Variants in CFHR2 observed in about 807,000 individuals in gnomAD.
The protein encoded by CFHR2 is complement factor H-related protein 2.
Under a neutral mutation model 21.7 loss-of-function variants are expected in CFHR2, and 22 were observed. The ratio of observed to expected loss-of-function variants is 1.01; its 90% CI spans 0.72 to 1.45. The LOEUF is 1.45. Ranked by LOEUF, CFHR2 falls within the 40% of genes most tolerant of loss-of-function variation. The pLI is 0.00. For missense variants in CFHR2, 294 were observed against 293.3 expected (o/e 1.00, Z -0.02); for synonymous variants, 98 against 97.4 (o/e 1.01, Z -0.04).
intron 1 of CFHR2, among the ~76,000 whole-genome samples, chr1:196,946,384 G>A (rs144457799): frequency 0.023 from 3,524 of 151,938 alleles, 104 homozygotes; most frequent in African/African-American, 0.079. Context: ...ACTTTTCTTC[G>A]ATAATAAATT....
rs768020038 is a variant in CFHR2, at chr1:196,946,444, T to G, written c.58+2506T>G. On this transcript the variant is annotated intron_variant, in intron 1 of 4. Transcript: ENST00000367415. Reference sequence around the variant, plus strand: ...TACTTCATCAACTTTAATTTTTATGTCTTTCGAGATAATATTTAGCTTAAA... The same window carrying G: ...TACTTCATCAACTTTAATTTTTATGGCTTTCGAGATAATATTTAGCTTAAA... Among the ~76,000 whole-genome samples, 82 of 152,198 alleles carry G rather than the reference T, an allele frequency of 5.4e-4. 1 individual carries two copies. The highest frequency in any genetic ancestry group is 2.6e-4 in the Admixed American group (4 of 15,282).
chr1:196,950,767 C>A, intron 2 of CFHR2, 85 bp from the exon 3 acceptor site: 2 of 1,478,028 alleles, frequency 1.4e-6, no homozygotes, highest in East Asian at 4.7e-5. Context: ...GCCACTTCAC[C>A]CTATTTATTA....
chr1:196,950,268 A>G (rs1659675213), intron 2 of CFHR2, among the ~76,000 whole-genome samples: 1 of 152,198 alleles, frequency 6.6e-6, no homozygotes, highest in Non-Finnish European at 1.5e-5. Context: ...TTTTGTCCCT[A>G]AAAGAGTTGA....
At chr1:196,952,324 A>G (rs1426700268) in intron 3 of CFHR2, among the ~76,000 whole-genome samples, 1 of 152,126 alleles carries the variant, frequency 6.6e-6, no homozygotes, top group East Asian at 1.9e-4. Context: ...AACAGCTGAA[A>G]CTGTGACAGT....
chr1:196,944,799 G>A (rs2125000577), intron 1 of CFHR2, among the ~76,000 whole-genome samples: 1 of 151,662 alleles, frequency 6.6e-6, no homozygotes, highest in Middle Eastern at 3.4e-3. Context: ...TGACATAACA[G>A]AACAACATGA....
rs201219546 is a variant in CFHR2 at position 196,953,949 on chromosome 1, TTAAA to T, written c.430+2925_430+2928del. On this transcript the variant is annotated intron_variant, in intron 3 of 4. Coordinates refer to ENST00000367415, the MANE Select transcript of CFHR2 (RefSeq NM_005666.4). ...TGAACTAACCATTAATGAAAGATGA[TTAAA>T]TAAGAAAAATAAACACATATTCATA... Among the ~76,000 whole-genome samples, 961 of 152,276 alleles carry T rather than the reference TTAAA, an allele frequency of 6.3e-3. 7 individuals carry two copies. Among genetic ancestry groups the T allele is most frequent in the African/African-American group, 0.021 (892 of 41,566 alleles).
intron 3 of CFHR2, 76 bp downstream of exon 3, chr1:196,951,104 A>G: frequency 6.6e-7 from 1 of 1,509,920 alleles, no homozygotes; most frequent in Non-Finnish European, 9.0e-7. Flanking sequence ...TTACAGATTA[A>G]ATATAGGTTA....
At chr1:196,944,984 C>A (rs202073723) in intron 1 of CFHR2, among the ~76,000 whole-genome samples, 2,246 of 132,954 alleles carry the variant, frequency 0.017, no homozygotes, top group Middle Eastern at 0.056. Context: ...TCAAGCAATT[C>A]TCCTGCGTCA....
At chr1:196,958,486 C>T (rs1652987849) in intron 4 of CFHR2, among the ~76,000 whole-genome samples, 1 of 151,276 alleles carries the variant, frequency 6.6e-6, no homozygotes. Context: ...GTAAATAATA[C>T]CATATTATTA....
intron 3 of CFHR2, among the ~76,000 whole-genome samples, chr1:196,954,805 G>A (rs1490243462): frequency 3.3e-5 from 5 of 152,208 alleles, no homozygotes; most frequent in East Asian, 1.9e-4. Context: ...ATTTAGCCAC[G>A]GCTGGAGCTG....
At chr1:196,949,896 T>A (rs367699363) in intron 2 of CFHR2, among the ~76,000 whole-genome samples, 10 of 152,246 alleles carry the variant, frequency 6.6e-5, no homozygotes, top group African/African-American at 2.4e-4. Context: ...AAACTGATGA[T>A]TAATATATTT....
In CFHR2 at chr1:196,950,276, T is replaced by C. The variant is rs1659675673; in HGVS notation, c.254-576T>C. On this transcript the variant is annotated intron_variant, in intron 2 of 4. Coordinates refer to ENST00000367415, the MANE Select transcript of CFHR2 (RefSeq NM_005666.4). ...GATGTTCTTTTGTCCCTAAAAGAGT[T>C]GATAAACATAAAATATTTTATTATA... 2.0e-5 allele frequency among the ~76,000 whole-genome samples: 3 copies of C among 152,234 alleles called. No homozygotes were observed. The South Asian group carries it at 6.2e-4, about 32-fold the overall frequency.
chr1:196,944,952 C>T (rs1571478760), intron 1 of CFHR2, among the ~76,000 whole-genome samples: 1 of 149,850 alleles, frequency 6.7e-6, no homozygotes, highest in African/African-American at 2.5e-5. Context: ...TTTCGGCTCA[C>T]CACAACTTCC....
intron 1 of CFHR2, among the ~76,000 whole-genome samples, chr1:196,946,007 G>A (rs1659469774): frequency 6.6e-6 from 1 of 151,674 alleles, no homozygotes; most frequent in Non-Finnish European, 1.5e-5. Flanking sequence ...GAATACTGTG[G>A]GCAACTGTAG....
At chr1:196,955,318 C>T (rs1459868760) in intron 3 of CFHR2, among the ~76,000 whole-genome samples, 1 of 152,162 alleles carries the variant, frequency 6.6e-6, no homozygotes, top group Admixed American at 6.5e-5. Context: ...GTCCATATCT[C>T]TATAAGCATT....
intron 1 of CFHR2, among the ~76,000 whole-genome samples, 192 bp downstream of exon 1, chr1:196,944,130 C>T (rs1262718691): frequency 8.3e-6 from 1 of 120,510 alleles, no homozygotes; most frequent in Non-Finnish European, 1.7e-5. Context: ...TTAGTTATCT[C>T]CATCCTCTAA....
chr1:196,950,239 T>C (rs529085382), intron 2 of CFHR2, among the ~76,000 whole-genome samples: 53 of 152,182 alleles, frequency 3.5e-4, no homozygotes, highest in Non-Finnish European at 5.6e-4. Flanking sequence ...AAGAGAGAAA[T>C]AGATATATGT....
intron 1 of CFHR2, among the ~76,000 whole-genome samples, chr1:196,944,513 T>C (rs1302068257): frequency 6.6e-6 from 1 of 151,960 alleles, no homozygotes; most frequent in African/African-American, 2.4e-5. Context: ...AATGAAGTAA[T>C]GTATCACCTC....
At chr1:196,948,067 C>T (rs906346034) in intron 1 of CFHR2, among the ~76,000 whole-genome samples, 2 of 152,054 alleles carry the variant, frequency 1.3e-5, no homozygotes, top group African/African-American at 4.8e-5. Flanking sequence ...CCATTTTCTA[C>T]ATTGTTTTAA....
Sources: allele counts gnomAD v4.1 joint callset (sites outside exome capture counted in the v4.1 genomes callset), GRCh38; gene constraint gnomAD v4.1.1; transcripts MANE v1.5; gene names NCBI Gene and HGNC (gene_info 2026-07-23, HGNC 2026-07-21).